Variants in C3orf49 observed in about 807,000 individuals in gnomAD.
The protein encoded by C3orf49 is chromosome 3 open reading frame 49, also known as putative uncharacterized protein C3orf49.
C3orf49 carries 27 observed loss-of-function variants against 13.3 expected under a neutral mutation model. The observed-to-expected ratio is 2.02, with a 90% confidence interval of 1.49 to 2.79. The LOEUF is 2.79. C3orf49 is among the 30% of genes most tolerant of loss of function. C3orf49 has a pLI of 0.00. For missense variants in C3orf49, 242 were observed against 134.2 expected (o/e 1.80, Z -3.97); for synonymous variants, 87 against 47.6 (o/e 1.83, Z -3.40).
chr3:63,834,457 C>T (rs1701587175), intron 5 of C3orf49, among the ~76,000 whole-genome samples: 1 of 151,566 alleles, frequency 6.6e-6, no homozygotes, highest in South Asian at 2.1e-4. Flanking sequence ...GTCAGGAATT[C>T]AAGACCAGCC....
intron 1 of C3orf49, among the ~76,000 whole-genome samples, chr3:63,821,568 A>T (rs2107094700): frequency 1.3e-5 from 2 of 152,284 alleles, no homozygotes; most frequent in Middle Eastern, 3.4e-3. Flanking sequence ...CAATCAGTGA[A>T]TAGTTAAACA....
intron 2 of C3orf49, among the ~76,000 whole-genome samples, chr3:63,826,439 G>A (rs1298189285): frequency 6.6e-6 from 1 of 152,196 alleles, no homozygotes; most frequent in Non-Finnish European, 1.5e-5. Flanking sequence ...GAGTTGGACA[G>A]TGAAGGGTTG....
At position 63,835,371 on chromosome 3, in the gene C3orf49, T is replaced by C. The variant is rs529873264; in HGVS notation, c.849+3527T>C. 4 of 1,613,506 alleles carry C rather than the reference T, an allele frequency of 2.5e-6. No homozygotes were observed. The African/African-American group carries it at 4.0e-5, about 16-fold the overall frequency. Reference sequence around the variant, plus strand: ...ATGTGTGAAAGATGCTCTAATTCTTTTCCCAGAGCCTCTAGTTCCCTGGAA... The same window carrying C: ...ATGTGTGAAAGATGCTCTAATTCTTCTCCCAGAGCCTCTAGTTCCCTGGAA... On this transcript the variant is annotated intron_variant, in intron 5 of 6. Coordinates refer to ENST00000295896, the MANE Select transcript of C3orf49 (RefSeq NM_001355236.2).
upstream of C3orf49, among the ~76,000 whole-genome samples, chr3:63,816,004 T>C (rs1701320532): frequency 6.6e-6 from 1 of 151,860 alleles, no homozygotes; most frequent in African/African-American, 2.4e-5. Flanking sequence ...CAGGATGGTC[T>C]CGATCTCTTG....
chr3:63,843,091 C>T (rs1019313040), intron 5 of C3orf49, among the ~76,000 whole-genome samples: 1 of 148,818 alleles, frequency 6.7e-6, no homozygotes, highest in Non-Finnish European at 1.5e-5. Context: ...CTGCCCCAAC[C>T]CCTCCAAAAA....
At chr3:63,808,320 G>T in the C3orf49 span, among the ~76,000 whole-genome samples, 1 of 152,198 alleles carries the variant, frequency 6.6e-6, no homozygotes, top group Non-Finnish European at 1.5e-5. Context: ...ATGTATGAAA[G>T]CTGGGTAAAA....
upstream of C3orf49, among the ~76,000 whole-genome samples, chr3:63,816,753 C>A (rs1421003435): frequency 7.0e-6 from 1 of 143,384 alleles, no homozygotes; most frequent in Admixed American, 7.4e-5. Context: ...CTTTCTTCCA[C>A]ATTTTCTTTT....
upstream of C3orf49, among the ~76,000 whole-genome samples, chr3:63,818,285 G>A (rs1303709017): frequency 2.0e-5 from 3 of 152,200 alleles, no homozygotes; most frequent in African/African-American, 7.2e-5. Flanking sequence ...ATTGGCCAAG[G>A]TCACATAGCT....
chr3:63,845,603 T>C (rs1422037240), intron 6 of C3orf49, among the ~76,000 whole-genome samples: 1 of 152,178 alleles, frequency 6.6e-6, no homozygotes, highest in African/African-American at 2.4e-5. Flanking sequence ...TTCATAGGTA[T>C]GTGTGTTCTT....
the C3orf49 span, among the ~76,000 whole-genome samples, chr3:63,799,625 A>G: frequency 2.0e-5 from 3 of 152,220 alleles, no homozygotes; most frequent in African/African-American, 7.2e-5. Flanking sequence ...ATCATTTGCA[A>G]AATGTTTTAC....
chr3:63,786,015 G>A, the C3orf49 span: 1 of 152,126 alleles, frequency 6.6e-6, no homozygotes, highest in Non-Finnish European at 1.5e-5. Flanking sequence ...CTGCTGCTGT[G>A]GAAATTGTTC....
At chr3:63,831,937 G>A (rs377223574) in intron 5 of C3orf49, 93 bp downstream of exon 5, 12 of 614,680 alleles carry the variant, frequency 2.0e-5, no homozygotes, top group East Asian at 8.4e-5. Flanking sequence ...GCTCACGCCT[G>A]TAATCTCAGC....
intron 4 of C3orf49, among the ~76,000 whole-genome samples, 188 bp from the exon 5 acceptor site, chr3:63,831,492 T>G (rs1701531085): frequency 6.6e-6 from 1 of 152,344 alleles, no homozygotes; most frequent in East Asian, 1.9e-4. Context: ...TGAGATTGTC[T>G]TTATCACTGG....
chr3:63,789,335 GCCAAAAA>G, the C3orf49 span, among the ~76,000 whole-genome samples: 24 of 152,174 alleles, frequency 1.6e-4, no homozygotes, highest in Non-Finnish European at 2.9e-4. Context: ...AGTCCCTGGT[GCCAAAAA>G]GGTTGAAGAC....
chr3:63,841,454 T>C (rs998589205), intron 5 of C3orf49, among the ~76,000 whole-genome samples: 4 of 152,252 alleles, frequency 2.6e-5, no homozygotes, highest in African/African-American at 7.2e-5. Flanking sequence ...AGAGCCTCCA[T>C]GCTGAATCAA....
intron 5 of C3orf49, chr3:63,839,720 G>C: frequency 6.2e-7 from 1 of 1,613,012 alleles, no homozygotes; most frequent in South Asian, 1.1e-5. Flanking sequence ...TTAATTCTCC[G>C]ATCATCTCCA....
At chr3:63,838,069 GAGA>G in intron 5 of C3orf49, 2 of 1,583,202 alleles carry the variant, frequency 1.3e-6, no homozygotes, top group Non-Finnish European at 8.5e-7. Context: ...CATTCTATAT[GAGA>G]AGGTTTTTTA....
chr3:63,823,458 G>T lies in C3orf49; in HGVS notation c.334G>T (p.Asp112Tyr). 1 of 703,190 alleles carries T rather than the reference G, an allele frequency of 1.4e-6. No individual in the cohort carries two copies. Among genetic ancestry groups the T allele is most frequent in the South Asian group, 1.5e-5 (1 of 67,572 alleles). The allele number at this position is 703,190 out of a possible 1,614,324, so 43.6% of individuals were successfully genotyped here. The change falls in exon 2 of 7, where the codon GAC (aspartate) becomes TAC (tyrosine). Residue 112 changes from aspartate (D) to tyrosine (Y), a missense_variant. Transcript: ENST00000295896. ...ATGTGCCAGCCAAGAGGGCTCCACTGACCATAAAGAAGCCCTCCTGTCAAA... is the reference window on the plus strand; with the variant it reads ...ATGTGCCAGCCAAGAGGGCTCCACTTACCATAAAGAAGCCCTCCTGTCAAA... ...PACASQEGST[D>Y]HKEALLSNTQ...
chr3:63,847,423 C>G (rs577324382), intron 6 of C3orf49, among the ~76,000 whole-genome samples: 1 of 152,210 alleles, frequency 6.6e-6, no homozygotes, highest in East Asian at 1.9e-4. Flanking sequence ...AGTGCTGTGT[C>G]TCCAAAAAGC....
Sources: gnomAD v4.1 joint callset for allele counts (sites outside exome capture counted in the v4.1 genomes callset) on GRCh38, gnomAD v4.1.1 for gene constraint, MANE v1.5 for transcripts, NCBI Gene and HGNC (gene_info 2026-07-23, HGNC 2026-07-21) for gene names.